Variants in REC114 observed in about 807,000 individuals in gnomAD.
REC114 encodes the protein REC114 meiotic recombination protein.
REC114 carries 27 observed loss-of-function variants against 31.3 expected under a neutral mutation model. The observed-to-expected ratio is 0.86, with a 90% CI of 0.64 to 1.19. The LOEUF is 1.19. Ranked by LOEUF, REC114 falls within the 50% of genes most tolerant of loss-of-function variation. The pLI is 0.00. For synonymous variants in REC114, 134 were observed against 127.7 expected, an observed-to-expected ratio of 1.05 and a Z score of -0.33; for missense variants, 344 against 326.9, an observed-to-expected ratio of 1.05 and a Z score of -0.40.
intron 4 of REC114, among the ~76,000 whole-genome samples, chr15:73,552,885 G>A (rs1167009391): frequency 2.6e-5 from 4 of 152,040 alleles, no homozygotes; most frequent in South Asian, 4.1e-4. Flanking sequence ...GCACGATCTC[G>A]GCTCACTGCA....
chr15:73,464,537 T>C (rs75109486), intron 1 of REC114, among the ~76,000 whole-genome samples: 7,725 of 151,960 alleles, frequency 0.051, 237 homozygotes, highest in East Asian at 0.11. Context: ...TCTCCAAGAG[T>C]GGACACTTTA....
intron 2 of REC114, among the ~76,000 whole-genome samples, chr15:73,485,775 A>C (rs1269177345): frequency 1.3e-5 from 2 of 152,138 alleles, no homozygotes. Context: ...TAAATTACCC[A>C]GTCTCAGATA....
At chr15:73,544,822 G>A (rs1894286687) in intron 3 of REC114, among the ~76,000 whole-genome samples, 2 of 152,166 alleles carry the variant, frequency 1.3e-5, no homozygotes, top group Non-Finnish European at 2.9e-5. Flanking sequence ...ATTAGCGGTG[G>A]GGAAAACTGC....
chr15:73,505,885 C>T (rs1327542459), intron 2 of REC114, among the ~76,000 whole-genome samples: 2 of 152,108 alleles, frequency 1.3e-5, no homozygotes, highest in African/African-American at 4.8e-5. Flanking sequence ...CCTGATTACA[C>T]CCTGATTATT....
intron 2 of REC114, among the ~76,000 whole-genome samples, chr15:73,508,680 T>G (rs1227652004): frequency 1.4e-5 from 2 of 143,630 alleles, no homozygotes; most frequent in South Asian, 2.3e-4. Flanking sequence ...CACCTATGAG[T>G]GAGAATATGC....
intron 1 of REC114, among the ~76,000 whole-genome samples, chr15:73,469,988 A>G (rs1035881776): frequency 2.0e-5 from 3 of 151,962 alleles, no homozygotes; most frequent in East Asian, 1.9e-4. Context: ...TATTTTTTCT[A>G]TCCTTTTGTT....
chr15:73,496,866 C>T (rs570190868), intron 2 of REC114, among the ~76,000 whole-genome samples: 5 of 151,746 alleles, frequency 3.3e-5, no homozygotes, highest in South Asian at 4.2e-4. Flanking sequence ...TAGGATTCCA[C>T]GTTGCATTTA....
chr15:73,497,173 G>C (rs1893540385), intron 2 of REC114, among the ~76,000 whole-genome samples: 1 of 151,998 alleles, frequency 6.6e-6, no homozygotes, highest in Admixed American at 6.5e-5. Context: ...AAGATATTTT[G>C]AAGTATGAAA....
intron 2 of REC114, among the ~76,000 whole-genome samples, chr15:73,526,174 T>C (rs906768438): frequency 6.6e-6 from 1 of 152,214 alleles, no homozygotes; most frequent in African/African-American, 2.4e-5. Context: ...AGAGTTTAAA[T>C]GCTATATCTT....
In REC114 at chr15:73,446,310, G is replaced by T. The variant is rs1028082747; in HGVS notation, c.159+2966G>T. On this transcript the variant is annotated intron_variant, in intron 1 of 5. Coordinates refer to ENST00000331090, the MANE Select transcript of REC114 (RefSeq NM_001042367.2). ...ACATGCATACATGTTTGTGTATTTT[G>T]GGCAGCAGTAGATAGGAGAAGAATT... Among the ~76,000 whole-genome samples the T allele has an allele frequency of 5.3e-5, 8 of 152,136 alleles. No homozygotes were observed. In the South Asian group the frequency reaches 1.7e-3, roughly 32 times the overall value.
chr15:73,557,392 C>T (rs1161899920), intron 5 of REC114, among the ~76,000 whole-genome samples: 1 of 142,374 alleles, frequency 7.0e-6, no homozygotes, highest in Non-Finnish European at 1.5e-5. Flanking sequence ...AATCCCTCCA[C>T]TAAACTGTAC....
At chr15:73,446,325 G>C (rs1892764495) in intron 1 of REC114, among the ~76,000 whole-genome samples, 1 of 152,256 alleles carries the variant, frequency 6.6e-6, no homozygotes, top group Middle Eastern at 3.4e-3. Context: ...GCAGTAGATA[G>C]GAGAAGAATT....
intron 2 of REC114, among the ~76,000 whole-genome samples, chr15:73,514,481 A>G (rs951192488): frequency 5.9e-5 from 9 of 152,170 alleles, no homozygotes; most frequent in African/African-American, 2.2e-4. Flanking sequence ...GCCACAGCAC[A>G]GTTTCTAACC....
intron 2 of REC114, among the ~76,000 whole-genome samples, chr15:73,482,515 C>A (rs1025870463): frequency 1.3e-5 from 2 of 152,150 alleles, no homozygotes; most frequent in Non-Finnish European, 2.9e-5. Context: ...AAATAAACCT[C>A]TTTTCTTCAT....
intron 4 of REC114, among the ~76,000 whole-genome samples, chr15:73,553,676 T>A (rs1407456224): frequency 1.3e-5 from 2 of 152,190 alleles, no homozygotes; most frequent in African/African-American, 4.8e-5. Flanking sequence ...AAATGCAGGC[T>A]GAGTTGTGAG....
At chr15:73,457,461 C>T (rs1013266126) in intron 1 of REC114, among the ~76,000 whole-genome samples, 4 of 152,128 alleles carry the variant, frequency 2.6e-5, no homozygotes, top group African/African-American at 9.7e-5. Context: ...ACTGTAGCTG[C>T]ACTGACCTCC....
chr15:73,559,694 A>G, intron 5 of REC114, 58 bp from the exon 6 acceptor site: 2 of 1,448,120 alleles, frequency 1.4e-6, no homozygotes, highest in Admixed American at 2.7e-5. Flanking sequence ...CCTGTGTTCT[A>G]TTAGCCAGGT....
At chr15:73,471,820 G>A (rs1893137291) in intron 1 of REC114, among the ~76,000 whole-genome samples, 1 of 152,008 alleles carries the variant, frequency 6.6e-6, no homozygotes, top group South Asian at 2.1e-4. Context: ...CATCATAGAA[G>A]GTATTCAAGA....
rs188979295 is a variant in REC114, at chr15:73,486,426, A to C, written c.249+12505A>C. Among the ~76,000 whole-genome samples the C allele has an allele frequency of 2.6e-5, 4 of 152,214 alleles. No homozygotes were observed. The East Asian group carries it at 7.7e-4, about 29-fold the overall frequency. On this transcript the variant is annotated intron_variant, in intron 2 of 5. Transcript: ENST00000331090. ...ACCTTTCTTATCTTCCTGGCTTTTCAGCTCCCTTTGGGAATCTGCGATGTG... is the reference window on the plus strand; with the variant it reads ...ACCTTTCTTATCTTCCTGGCTTTTCCGCTCCCTTTGGGAATCTGCGATGTG...
Sources: allele counts gnomAD v4.1 joint callset (sites outside exome capture counted in the v4.1 genomes callset), GRCh38; gene constraint gnomAD v4.1.1; transcripts MANE v1.5; gene names NCBI Gene and HGNC (gene_info 2026-07-23, HGNC 2026-07-21).